The following NIPBL variants were observed in gnomAD, a reference collection of about 807,000 sequenced individuals.
NIPBL encodes NIPBL cohesin loading factor.
A neutral mutation model predicts 321.8 loss-of-function variants in NIPBL; 19 were observed. The ratio of observed to expected loss-of-function variants is 0.06; its 90% CI spans 0.04 to 0.09. The LOEUF is 0.09. Ranked by LOEUF, NIPBL falls within the 10% of genes least tolerant of loss-of-function variation. The pLI, the probability that NIPBL is intolerant of heterozygous loss-of-function variation, is 1.00. For missense variants in NIPBL, 2,210 were observed against 3,327.0 expected (o/e 0.66, Z 8.26); for synonymous variants, 1,106 against 1,114.1 (o/e 0.99, Z 0.14).
intron 1 of NIPBL, among the ~76,000 whole-genome samples, chr5:36,916,512 A>T (rs556247286): frequency 2.6e-4 from 40 of 152,026 alleles, no homozygotes; most frequent in South Asian, 1.0e-3. Flanking sequence ...CATTTTTTTT[A>T]AATTATACTT....
intron 1 of NIPBL, among the ~76,000 whole-genome samples, chr5:36,918,702 A>C (rs1463754001): frequency 2.0e-5 from 3 of 152,098 alleles, no homozygotes; most frequent in Admixed American, 6.6e-5. Context: ...ACGTTCCATC[A>C]ATACCTAATT....
chr5:36,892,580 C>T (rs1218475464), intron 1 of NIPBL, among the ~76,000 whole-genome samples: 1 of 152,128 alleles, frequency 6.6e-6, no homozygotes, highest in African/African-American at 2.4e-5. Flanking sequence ...AAATGTGGCA[C>T]ATATACACCA....
At chr5:36,940,242 A>G (rs543504396) in intron 1 of NIPBL, among the ~76,000 whole-genome samples, 38 of 152,294 alleles carry the variant, frequency 2.5e-4, no homozygotes, top group African/African-American at 8.4e-4. Flanking sequence ...AAAGAGAGAA[A>G]TGGATTCAAA....
intron 31 of NIPBL, among the ~76,000 whole-genome samples, chr5:37,027,045 G>A (rs925750345): frequency 6.6e-6 from 1 of 152,030 alleles, no homozygotes; most frequent in African/African-American, 2.4e-5. Flanking sequence ...TAATGTTTAA[G>A]ATATTACAGA....
At chr5:37,038,506 T>C (rs1487826834) in intron 33 of NIPBL, 96 bp from the exon 34 acceptor site, 1 of 1,112,146 alleles carries the variant, frequency 9.0e-7, no homozygotes, top group African/African-American at 1.6e-5. Context: ...ACTGGACCTA[T>C]TTAGGGGATA....
intron 1 of NIPBL, among the ~76,000 whole-genome samples, chr5:36,951,217 A>G (rs1042527519): frequency 2.4e-4 from 36 of 152,162 alleles, no homozygotes; most frequent in African/African-American, 8.7e-4. Flanking sequence ...ATACATGGGT[A>G]ACTAAATACA....
At chr5:37,001,766 T>A (rs998782458) in intron 14 of NIPBL, among the ~76,000 whole-genome samples, 6 of 152,172 alleles carry the variant, frequency 3.9e-5, no homozygotes, top group Non-Finnish European at 5.9e-5. Context: ...TGTATTACTT[T>A]TACAATGACA....
At chr5:36,889,325 A>T (rs1369961835) in intron 1 of NIPBL, among the ~76,000 whole-genome samples, 3 of 152,068 alleles carry the variant, frequency 2.0e-5, no homozygotes, top group Non-Finnish European at 4.4e-5. Context: ...TCTTATTTCC[A>T]CTCTGGCTCT....
chr5:37,029,545 G>A (rs1750714062), intron 32 of NIPBL, among the ~76,000 whole-genome samples: 1 of 152,136 alleles, frequency 6.6e-6, no homozygotes, highest in South Asian at 2.1e-4. Flanking sequence ...GTAAGGTTTT[G>A]TGTAGATGTA....
At chr5:36,984,081 G>T (rs1181457048) in intron 9 of NIPBL, among the ~76,000 whole-genome samples, 5 of 151,972 alleles carry the variant, frequency 3.3e-5, no homozygotes, top group East Asian at 1.9e-4. Context: ...ACACTTCAAA[G>T]AATTTGAATT....
At chr5:36,967,020 T>C (rs1401810703) in intron 6 of NIPBL, among the ~76,000 whole-genome samples, 1 of 151,844 alleles carries the variant, frequency 6.6e-6, no homozygotes. Context: ...TACATAAATA[T>C]AAAACAAATA....
chr5:37,028,560 C>T (rs1750592188), intron 32 of NIPBL, among the ~76,000 whole-genome samples: 1 of 151,980 alleles, frequency 6.6e-6, no homozygotes, highest in Non-Finnish European at 1.5e-5. Flanking sequence ...AGGCTGGTCT[C>T]AAACTCCTGA....
intron 1 of NIPBL, among the ~76,000 whole-genome samples, chr5:36,952,703 A>G (rs1287511266): frequency 1.3e-5 from 2 of 152,198 alleles, no homozygotes; most frequent in East Asian, 3.8e-4. Context: ...CAATTAAGTC[A>G]TTTGTATGGG....
intron 33 of NIPBL, 66 bp downstream of exon 33, chr5:37,036,553 TA>T: frequency 1.6e-6 from 1 of 641,620 alleles, no homozygotes; most frequent in Non-Finnish European, 2.4e-6. Flanking sequence ...ATATTTTGAG[TA>T]AATTTCTCAT....
intron 32 of NIPBL, among the ~76,000 whole-genome samples, chr5:37,029,335 G>A (rs928206167): frequency 1.3e-5 from 2 of 152,148 alleles, no homozygotes; most frequent in Non-Finnish European, 2.9e-5. Context: ...GAGTCATACA[G>A]TATGTAATCT....
At chr5:36,896,790 C>T (rs535181602) in intron 1 of NIPBL, among the ~76,000 whole-genome samples, 8 of 151,746 alleles carry the variant, frequency 5.3e-5, no homozygotes, top group East Asian at 3.9e-4. Context: ...AGAGAAGGTG[C>T]GGTTTCGCCA....
chr5:36,995,625 G>A lies in NIPBL; in HGVS notation c.3125G>A (p.Ser1042Asn), dbSNP rs1419814060. ...KNKPSKSNKG[S>N]IDQSVLKELP... The stretch of plus-strand genomic sequence containing the variant: ...TAAATTTACCTTTCATTAATAGGTA[G>A]TATAGATCAATCAGTGTTAAAAGAA... The change falls in exon 11 of 47, where the codon AGT becomes AAT. Residue 1042 changes from serine (S) to asparagine (N), a missense_variant. Physicochemically the swap from Ser to Asn is conservative, Grantham distance 46. Around this residue, in one of 14 missense-constraint regions of NIPBL, gnomAD observed 381 missense variants for 642.3 expected, o/e 0.59. Coordinates refer to ENST00000282516, the MANE Select transcript of NIPBL (RefSeq NM_133433.4). 5.6e-6 allele frequency: 9 copies of A among 1,606,844 alleles called. No homozygotes were observed. The highest frequency in any genetic ancestry group is 7.7e-6 in the Non-Finnish European group (9 of 1,173,812).
intron 8 of NIPBL, among the ~76,000 whole-genome samples, chr5:36,973,790 C>T (rs1217191549): frequency 1.3e-5 from 2 of 152,068 alleles, no homozygotes; most frequent in African/African-American, 2.4e-5. Flanking sequence ...TTTTAAGCCC[C>T]GCCTGCATTA....
intron 21 of NIPBL, among the ~76,000 whole-genome samples, chr5:37,013,282 T>A (rs1389945282): frequency 2.1e-5 from 3 of 143,762 alleles, no homozygotes; most frequent in African/African-American, 7.9e-5. Flanking sequence ...ATGGGGCGGC[T>A]GGCCAGGCGG....
Sources: allele counts gnomAD v4.1 joint callset (sites outside exome capture counted in the v4.1 genomes callset), GRCh38; gene constraint gnomAD v4.1.1; regional missense constraint gnomAD v4.1.1; transcripts MANE v1.5; gene names NCBI Gene and HGNC (gene_info 2026-07-23, HGNC 2026-07-21).